Variants in TBL1XR1 observed in about 807,000 individuals in gnomAD.
TBL1XR1 encodes F-box-like/WD repeat-containing protein TBL1XR1.
Under a neutral mutation model 66.9 loss-of-function variants are expected in TBL1XR1, and 5 were observed. That is an observed-to-expected ratio of 0.07 (90% CI 0.04 to 0.16). The LOEUF (loss-of-function observed/expected upper bound fraction) is 0.16, where lower values mean the gene tolerates loss of function less well. Among genes scored for constraint, TBL1XR1 ranks in the 10% least tolerant of loss-of-function variants. The pLI is 1.00. For synonymous variants in TBL1XR1, 210 were observed against 206.0 expected, an observed-to-expected ratio of 1.02 and a Z score of -0.17; for missense variants, 238 against 623.2, an observed-to-expected ratio of 0.38 and a Z score of 6.58.
intron 1 of TBL1XR1, among the ~76,000 whole-genome samples, chr3:177,176,987 A>G (rs1232396107): frequency 1.3e-5 from 2 of 152,044 alleles, no homozygotes; most frequent in Non-Finnish European, 2.9e-5. Flanking sequence ...CAATTTTTTG[A>G]AAAAGGAAAA....
chr3:177,028,810 T>C (rs1713526436), intron 14 of TBL1XR1, among the ~76,000 whole-genome samples: 1 of 152,154 alleles, frequency 6.6e-6, no homozygotes, highest in South Asian at 2.1e-4. Context: ...TTTATAAAGT[T>C]AGAATTATTA....
chr3:177,027,293 CCAGA>C (rs1713278021), intron 14 of TBL1XR1: 1 of 152,004 alleles, frequency 6.6e-6, no homozygotes, highest in African/African-American at 2.4e-5. Context: ...ACCACAGTGC[CCAGA>C]CAGATATGTA....
chr3:177,115,524 T>A (rs1005905971), intron 1 of TBL1XR1, among the ~76,000 whole-genome samples: 4 of 152,150 alleles, frequency 2.6e-5, no homozygotes, highest in Non-Finnish European at 4.4e-5. Flanking sequence ...GCCTCCTTTG[T>A]CCACCACAAC....
At chr3:177,122,704 A>C (rs958972810) in intron 1 of TBL1XR1, among the ~76,000 whole-genome samples, 6 of 152,136 alleles carry the variant, frequency 3.9e-5, no homozygotes, top group African/African-American at 1.4e-4. Flanking sequence ...GCAAAGAGCA[A>C]CAGGTTCTTT....
chr3:177,197,609 C>T (rs1281471586), upstream of TBL1XR1, among the ~76,000 whole-genome samples: 1 of 126,736 alleles, frequency 7.9e-6, no homozygotes, highest in Non-Finnish European at 1.7e-5. Context: ...CAAACCCGAG[C>T]GGCCTGCGCC....
chr3:177,038,294 T>G lies in TBL1XR1; in HGVS notation c.1047+19A>C. 6.3e-7 allele frequency: 1 copy of G among 1,592,844 alleles called. No homozygotes were observed. Among genetic ancestry groups the G allele is most frequent in the Non-Finnish European group, 8.6e-7 (1 of 1,168,946 alleles). On this transcript the variant is annotated intron_variant, in intron 11 of 15. Transcript: ENST00000457928. The stretch of plus-strand genomic sequence containing the variant: ...CTTGTTAATCATGACCACTTTAATG[T>G]GGAAAAAAGGTTTCTTACCGTATGT...
chr3:177,069,856 A>AAGGAAGGAAG (rs1486024858), intron 2 of TBL1XR1, among the ~76,000 whole-genome samples: 3 of 115,178 alleles, frequency 2.6e-5, no homozygotes, highest in African/African-American at 1.0e-4. Flanking sequence ...AAGGAAGGAA[A>AAGGAAGGAAG]AACAACACAC....
intron 2 of TBL1XR1, among the ~76,000 whole-genome samples, chr3:177,088,314 A>G (rs1205864734): frequency 6.6e-6 from 1 of 152,176 alleles, no homozygotes; most frequent in Non-Finnish European, 1.5e-5. Flanking sequence ...GTCACAGTCA[A>G]AACTCTGGTT....
At chr3:177,135,338 C>CATATATAT (rs1177634107) in intron 1 of TBL1XR1, among the ~76,000 whole-genome samples, 144 of 22,366 alleles carry the variant, frequency 6.4e-3, no homozygotes, top group African/African-American at 8.6e-3. Context: ...TGTGTGTATA[C>CATATATAT]ATATATATAT....
chr3:177,151,297 C>T (rs1403467389), intron 1 of TBL1XR1, among the ~76,000 whole-genome samples: 2 of 152,152 alleles, frequency 1.3e-5, no homozygotes, highest in South Asian at 4.1e-4. Context: ...GTATCAAAAG[C>T]AGTATTAAAA....
At chr3:177,135,916 C>T (rs1728938898) in intron 1 of TBL1XR1, among the ~76,000 whole-genome samples, 1 of 151,576 alleles carries the variant, frequency 6.6e-6, no homozygotes, top group African/African-American at 2.4e-5. Flanking sequence ...CTCGGATTAA[C>T]CCCAGAGTGC....
At chr3:177,181,192 CA>C (rs1317383642) in intron 1 of TBL1XR1, among the ~76,000 whole-genome samples, 3 of 152,120 alleles carry the variant, frequency 2.0e-5, no homozygotes, top group African/African-American at 4.8e-5. Context: ...AACTCATTGT[CA>C]TTAAATGAAA....
chr3:177,076,208 T>A (rs1720683795), intron 2 of TBL1XR1, among the ~76,000 whole-genome samples: 1 of 152,174 alleles, frequency 6.6e-6, no homozygotes, highest in South Asian at 2.1e-4. Context: ...AGCCCTTATG[T>A]CTTAAGCACT....
intron 2 of TBL1XR1, among the ~76,000 whole-genome samples, chr3:177,097,993 G>A (rs113330341): frequency 0.023 from 3,566 of 152,178 alleles, 152 homozygotes; most frequent in African/African-American, 0.081. Context: ...GATCACCTGC[G>A]GTCAGGGGTT....
chr3:177,138,652 G>A (rs1729277314), intron 1 of TBL1XR1, among the ~76,000 whole-genome samples: 1 of 152,142 alleles, frequency 6.6e-6, no homozygotes, highest in African/African-American at 2.4e-5. Flanking sequence ...CTTTCTGTGA[G>A]AGTAGCCAGG....
chr3:177,097,452 A>G (rs1452911831), intron 2 of TBL1XR1, among the ~76,000 whole-genome samples: 1 of 152,202 alleles, frequency 6.6e-6, no homozygotes, highest in Non-Finnish European at 1.5e-5. Context: ...TAAACCTTAG[A>G]AAGTCCAATT....
chr3:177,112,101 A>T (rs1263500140), intron 1 of TBL1XR1, among the ~76,000 whole-genome samples: 95 of 48,198 alleles, frequency 2.0e-3, no homozygotes, highest in East Asian at 3.6e-3. Flanking sequence ...ATATATATAT[A>T]TATATATTTT....
At chr3:177,200,556 C>A (rs535599109), upstream of TBL1XR1, among the ~76,000 whole-genome samples, 3 of 152,274 alleles carry the variant, frequency 2.0e-5, no homozygotes, top group Admixed American at 2.0e-4. Flanking sequence ...TGATTAGACT[C>A]ACTGGGTGAG....
At chr3:177,175,834 G>T (rs142487206) in intron 1 of TBL1XR1, among the ~76,000 whole-genome samples, 150 of 152,116 alleles carry the variant, frequency 9.9e-4, no homozygotes, top group African/African-American at 3.5e-3. Context: ...CGAGGCGTGC[G>T]GATCTCGAGG....
Sources: gnomAD v4.1 joint callset for allele counts (sites outside exome capture counted in the v4.1 genomes callset) on GRCh38, gnomAD v4.1.1 for gene constraint, MANE v1.5 for transcripts, NCBI Gene and HGNC (gene_info 2026-07-23, HGNC 2026-07-21) for gene names.